The following QNG1 variants were observed in gnomAD, a reference collection of about 807,000 sequenced individuals.
The protein encoded by QNG1 is queuosine 5'-phosphate N-glycosylase/hydrolase.
the QNG1 span, among the ~76,000 whole-genome samples, chr9:83,942,304 C>T: frequency 6.6e-6 from 1 of 152,134 alleles, no homozygotes; most frequent in East Asian, 1.9e-4. Context: ...GGTAATATGG[C>T]CCAGGTATTT....
chr9:83,954,773 G>C, the QNG1 span, among the ~76,000 whole-genome samples: 1 of 141,400 alleles, frequency 7.1e-6, no homozygotes, highest in Admixed American at 7.1e-5. Flanking sequence ...CCAGCTAGTC[G>C]GGAGACTGAG....
At chr9:83,955,456 A>G in the QNG1 span, 1 of 1,613,928 alleles carries the variant, frequency 6.2e-7, no homozygotes, top group Non-Finnish European at 8.5e-7. Flanking sequence ...CACTATTCTC[A>G]CTTTCTCGGA....
the QNG1 span, among the ~76,000 whole-genome samples, chr9:83,940,118 T>C: frequency 6.6e-6 from 1 of 152,148 alleles, no homozygotes; most frequent in Admixed American, 6.6e-5. Flanking sequence ...AATAAAATTA[T>C]TGTAGGCTGG....
chr9:83,945,886 G>A, the QNG1 span, among the ~76,000 whole-genome samples: 1 of 152,146 alleles, frequency 6.6e-6, no homozygotes, highest in African/African-American at 2.4e-5. Flanking sequence ...ACAGGTGTAA[G>A]CCACCGTGCC....
At chr9:83,955,959 C>T in the QNG1 span, among the ~76,000 whole-genome samples, 2 of 152,144 alleles carry the variant, frequency 1.3e-5, no homozygotes, top group Non-Finnish European at 2.9e-5. Flanking sequence ...AACTTTTATG[C>T]TGCAATGATA....
chr9:83,948,631 T>A, the QNG1 span, among the ~76,000 whole-genome samples: 4 of 152,240 alleles, frequency 2.6e-5, no homozygotes, highest in East Asian at 7.7e-4. Context: ...ATGATGACGA[T>A]GGCGGTTTTG....
chr9:83,939,441 A>G, the QNG1 span: 29 of 1,055,254 alleles, frequency 2.7e-5, no homozygotes, highest in Non-Finnish European at 3.8e-5. Context: ...TCTAAATATC[A>G]AAGCAAAACT....
the QNG1 span, among the ~76,000 whole-genome samples, chr9:83,951,363 C>A: frequency 1.3e-5 from 2 of 152,202 alleles, no homozygotes; most frequent in Non-Finnish European, 2.9e-5. Context: ...GAGTTCGAGA[C>A]CAGCCTGGCC....
chr9:83,956,433 A>G, the QNG1 span: 6 of 1,568,388 alleles, frequency 3.8e-6, no homozygotes, highest in East Asian at 2.2e-5. Flanking sequence ...TCCGCTGTCA[A>G]TAAACACATC....
the QNG1 span, among the ~76,000 whole-genome samples, chr9:83,941,165 T>A: frequency 6.6e-6 from 1 of 152,178 alleles, no homozygotes; most frequent in Non-Finnish European, 1.5e-5. Context: ...AGCACTCAGG[T>A]TCCTGACCCA....
At chr9:83,956,820 A>G in the QNG1 span, 13 of 282,124 alleles carry the variant, frequency 4.6e-5, no homozygotes, top group Middle Eastern at 1.1e-3. Context: ...GGAAACTGCT[A>G]AGGGTCCGGC....
At chr9:83,950,534 T>C in the QNG1 span, among the ~76,000 whole-genome samples, 2 of 152,262 alleles carry the variant, frequency 1.3e-5, no homozygotes, top group African/African-American at 4.8e-5. Context: ...AAATCGTACC[T>C]TTATAAAATA....
At chr9:83,941,947 G>A in the QNG1 span, among the ~76,000 whole-genome samples, 1 of 152,016 alleles carries the variant, frequency 6.6e-6, no homozygotes. Context: ...AGAGACAGGA[G>A]ACACAAGGAT....
chr9:83,944,460 C>T, the QNG1 span, among the ~76,000 whole-genome samples: 8 of 152,270 alleles, frequency 5.3e-5, no homozygotes, highest in East Asian at 1.4e-3. Context: ...CTTCATATAA[C>T]CATGTAGTGT....
At chr9:83,943,331 C>CAAAAAA in the QNG1 span, among the ~76,000 whole-genome samples, 70 of 62,514 alleles carry the variant, frequency 1.1e-3, no homozygotes, top group African/African-American at 3.4e-3. Context: ...CAGAGCGTCT[C>CAAAAAA]AAAAAAAAAA....
the QNG1 span, chr9:83,944,839 C>T: frequency 1.2e-6 from 2 of 1,613,676 alleles, no homozygotes; most frequent in Non-Finnish European, 1.7e-6. Flanking sequence ...TTCAGGGCTC[C>T]AAGATGAGCA....
chr9:83,940,648 G>A, the QNG1 span, among the ~76,000 whole-genome samples: 1 of 152,116 alleles, frequency 6.6e-6, no homozygotes, highest in East Asian at 1.9e-4. Flanking sequence ...TCTTATGAGA[G>A]AAGTCAGGAA....
the QNG1 span, chr9:83,939,015 C>T: frequency 2.5e-5 from 4 of 161,758 alleles, no homozygotes; most frequent in African/African-American, 9.6e-5. Flanking sequence ...TCCCAAAGTG[C>T]TAAGATTATA....
At chr9:83,956,741 C>T in the QNG1 span, 1 of 413,276 alleles carries the variant, frequency 2.4e-6, no homozygotes, top group African/African-American at 2.1e-5. Flanking sequence ...GCAAGCACTT[C>T]CGGGAAAGCG....
Sources: allele counts gnomAD v4.1 joint callset (sites outside exome capture counted in the v4.1 genomes callset), GRCh38; gene constraint gnomAD v4.1.1; transcripts MANE v1.5; gene names NCBI Gene and HGNC (gene_info 2026-07-23, HGNC 2026-07-21).